The following AKAP13 variants were observed in gnomAD, a reference collection of about 807,000 sequenced individuals.
AKAP13 encodes A-kinase anchoring protein 13.
Under a neutral mutation model 264.5 loss-of-function variants are expected in AKAP13, and 80 were observed. The ratio of observed to expected loss-of-function variants is 0.30; its 90% CI spans 0.25 to 0.36. AKAP13 has a LOEUF of 0.36. Ranked by LOEUF, AKAP13 falls within the 10% of genes least tolerant of loss-of-function variation. The probability of loss-of-function intolerance (pLI) is 1.00; values close to 1 mark genes in which losing one functional copy is unlikely to be tolerated. For synonymous variants in AKAP13, 1,380 were observed against 1,250.2 expected (o/e 1.10, Z -2.19); for missense variants, 3,712 against 3,435.2 (o/e 1.08, Z -2.01).
rs1597164870 is a variant in AKAP13, at chr15:85,718,975, A to G, written c.6002-101A>G. 6.6e-7 allele frequency: 1 copy of G among 1,510,500 alleles called. No homozygotes were observed. The highest frequency in any genetic ancestry group is 8.9e-7 in the Non-Finnish European group (1 of 1,124,140). The allele number at this position is 1,510,500 out of a possible 1,614,324, so 93.6% of individuals were successfully genotyped here. Reference sequence around the variant, plus strand: ...GCTGTTGACCCAATTTTAAGGTTCAAATTGGGCTCTAAACTAGCTTTGGGA... The same window carrying G: ...GCTGTTGACCCAATTTTAAGGTTCAGATTGGGCTCTAAACTAGCTTTGGGA... On this transcript the variant is annotated intron_variant, in intron 22 of 36. Transcript: ENST00000394518. This position sits in a 1 kb window ranked among gnomAD's most constrained non-coding sequence, Gnocchi z 4.9.
chr15:85,590,401 G>C (rs983050516), intron 8 of AKAP13, among the ~76,000 whole-genome samples: 1 of 152,146 alleles, frequency 6.6e-6, no homozygotes, highest in Admixed American at 6.5e-5. Flanking sequence ...GTTTTCTTTA[G>C]TCCTTTAGTC....
At chr15:85,475,872 A>T (rs2075144495) in intron 1 of AKAP13, among the ~76,000 whole-genome samples, 1 of 152,212 alleles carries the variant, frequency 6.6e-6, no homozygotes, top group South Asian at 2.1e-4. Context: ...CATGTCAAAC[A>T]GTTATTTCTC....
Position 85,693,108 on chromosome 15 carries a change from C to T in AKAP13, c.5290-169C>T, listed in dbSNP as rs114529061. ...TTTTCTAATGTAGCTTGCGTGCCAA[C>T]GCCTTAATTTAAAAAAACAAAACAA... On this transcript the variant is annotated intron_variant, in intron 16 of 36. Transcript: ENST00000394518. 1,681 of 1,207,410 alleles carry T rather than the reference C, an allele frequency of 1.4e-3. 13 individuals carry two copies. The African/African-American group carries it at 0.021, about 15-fold the overall frequency. The allele number at this position is 1,207,410 out of a possible 1,614,324, so 74.8% of individuals were successfully genotyped here. A position where few individuals can be genotyped will look rare whatever the true frequency, so the allele number is the denominator to read the frequency against.
At chr15:85,437,642 C>G (rs940581373) in intron 1 of AKAP13, among the ~76,000 whole-genome samples, 86 of 152,294 alleles carry the variant, frequency 5.6e-4, no homozygotes, top group Non-Finnish European at 1.0e-3. Context: ...GGGCTTCATC[C>G]CGGGATGCAA....
intron 2 of AKAP13, among the ~76,000 whole-genome samples, chr15:85,516,490 G>C (rs1433433987): frequency 6.6e-6 from 1 of 152,204 alleles, no homozygotes; most frequent in Non-Finnish European, 1.5e-5. Flanking sequence ...CTGAACTGCT[G>C]TGAGGAGAAC....
intron 1 of AKAP13, among the ~76,000 whole-genome samples, chr15:85,485,506 T>A (rs563417426): frequency 3.4e-4 from 52 of 152,346 alleles, no homozygotes. Context: ...TCTTCCCCAC[T>A]TGAAAAGATT....
At chr15:85,551,666 A>G (rs899447558) in intron 5 of AKAP13, among the ~76,000 whole-genome samples, 7 of 152,244 alleles carry the variant, frequency 4.6e-5, no homozygotes, top group African/African-American at 7.2e-5. Flanking sequence ...GCCGTATAAC[A>G]TTTAGACTTC....
rs776262006 is a variant in AKAP13 at position 85,727,334 on chromosome 15, T to C, written c.7005-47T>C. The C allele has an allele frequency of 8.1e-6, 13 of 1,613,368 alleles. No individual in the cohort carries two copies. The highest frequency in any genetic ancestry group is 1.0e-5 in the Non-Finnish European group (12 of 1,179,564). ...ACAGGCTGGACTGTGACCAGAGTAA[T>C]TGACATCTTAGGAATTTTTTGTTCT... On this transcript the variant is annotated intron_variant, in intron 28 of 36. Coordinates refer to ENST00000394518, the MANE Select transcript of AKAP13 (RefSeq NM_007200.5). The surrounding 1 kb of genome is among the most constrained non-coding windows in gnomAD (Gnocchi z 5.3).
At chr15:85,637,553 A>G (rs2082117016) in intron 8 of AKAP13, among the ~76,000 whole-genome samples, 1 of 151,630 alleles carries the variant, frequency 6.6e-6, no homozygotes, top group Non-Finnish European at 1.5e-5. Context: ...AGTTGTATTG[A>G]TATTATTGAC....
At chr15:85,668,411 A>C (rs2083723914) in intron 13 of AKAP13, among the ~76,000 whole-genome samples, 1 of 152,178 alleles carries the variant, frequency 6.6e-6, no homozygotes, top group Non-Finnish European at 1.5e-5. Flanking sequence ...ACACTAGATG[A>C]CTGTCTTTCA....
intron 1 of AKAP13, among the ~76,000 whole-genome samples, chr15:85,392,212 A>G (rs2070895132): frequency 1.5e-5 from 2 of 130,174 alleles, no homozygotes; most frequent in African/African-American, 2.9e-5. Context: ...TTTTTTTACT[A>G]TGTATAGTCT....
At chr15:85,450,246 A>G (rs1033631831) in intron 1 of AKAP13, among the ~76,000 whole-genome samples, 5 of 151,806 alleles carry the variant, frequency 3.3e-5, no homozygotes, top group Admixed American at 2.6e-4. Context: ...TTTTATTTCT[A>G]TGGAGTCAGT....
rs1041795983 is a variant in AKAP13, at chr15:85,747,231, C to T, written c.*2554C>T. On this transcript the variant is annotated 3_prime_UTR_variant, in exon 37 of 37. Coordinates refer to ENST00000394518, the MANE Select transcript of AKAP13 (RefSeq NM_007200.5). Reference sequence around the variant, plus strand: ...AACTGTGCTTACATACCTTTGTCATCTCTCTTCCCCCCTTGGAAGTTGTCC... The same window carrying T: ...AACTGTGCTTACATACCTTTGTCATTTCTCTTCCCCCCTTGGAAGTTGTCC... The T allele has an allele frequency of 6.6e-6, 1 of 152,234 alleles. No homozygotes were observed. Among genetic ancestry groups the T allele is most frequent in the Non-Finnish European group, 1.5e-5 (1 of 68,066 alleles). The allele number at this position is 152,234 out of a possible 1,614,324, so 9.4% of individuals were successfully genotyped here. A position where few individuals can be genotyped will look rare whatever the true frequency, so the allele number is the denominator to read the frequency against.
chr15:85,680,423 C>G (rs947349059), intron 14 of AKAP13, among the ~76,000 whole-genome samples: 2 of 152,188 alleles, frequency 1.3e-5, no homozygotes, highest in Non-Finnish European at 1.5e-5. Flanking sequence ...ATCTTTCCCT[C>G]TTACCTGGCT....
At chr15:85,622,965 A>G (rs1198834835) in intron 8 of AKAP13, among the ~76,000 whole-genome samples, 1 of 152,216 alleles carries the variant, frequency 6.6e-6, no homozygotes, top group Non-Finnish European at 1.5e-5. Flanking sequence ...TACAATACTT[A>G]GGATAGGTAC....
At chr15:85,555,019 C>T (rs940282419) in intron 5 of AKAP13, among the ~76,000 whole-genome samples, 2 of 151,906 alleles carry the variant, frequency 1.3e-5, no homozygotes, top group Non-Finnish European at 1.5e-5. Flanking sequence ...AGTGGCAGTT[C>T]TATGTTCCCT....
chr15:85,433,363 C>T (rs1364140537), intron 1 of AKAP13, among the ~76,000 whole-genome samples: 1 of 152,122 alleles, frequency 6.6e-6, no homozygotes, highest in African/African-American at 2.4e-5. Context: ...ATGCTTGTGA[C>T]CACTTCTTAT....
chr15:85,423,261 CAT>C (rs1469106297), intron 1 of AKAP13, among the ~76,000 whole-genome samples: 10 of 152,178 alleles, frequency 6.6e-5, no homozygotes, highest in Non-Finnish European at 5.9e-5. Context: ...TTCTTTGTAA[CAT>C]GTGATGCTGT....
Position 85,722,456 on chromosome 15 carries a change from A to C in AKAP13, c.6496+109A>C, listed in dbSNP as rs1357791233. ...CTATTTCATGCTTTAGTATGTCTAA[A>C]AGAGACCTTGTGTTTTATCTTGAAT... On this transcript the variant is annotated intron_variant, in intron 25 of 36. Coordinates refer to ENST00000394518, the MANE Select transcript of AKAP13 (RefSeq NM_007200.5). The C allele has an allele frequency of 1.0e-5, 9 of 899,538 alleles. No individual in the cohort carries two copies. In the East Asian group the frequency reaches 2.0e-4, roughly 20 times the overall value. 55.7% of individuals were successfully genotyped at this position (899,538 alleles called of 1,614,324 possible).
Sources: gnomAD v4.1 joint callset for allele counts (sites outside exome capture counted in the v4.1 genomes callset) on GRCh38, gnomAD v4.1.1 for gene constraint, Gnocchi (gnomAD v3.1) non-coding constraint, MANE v1.5 for transcripts, NCBI Gene and HGNC (gene_info 2026-07-23, HGNC 2026-07-21) for gene names.